Variants in GALNT13 observed in about 807,000 individuals in gnomAD.
GALNT13 encodes the protein polypeptide N-acetylgalactosaminyltransferase 13.
A neutral mutation model predicts 64.2 loss-of-function variants in GALNT13; 28 were observed. That is an observed-to-expected ratio of 0.44 (90% confidence interval 0.32 to 0.60). The LOEUF is 0.60. GALNT13 is among the 20% of genes least tolerant of loss of function. The pLI is 0.05. For synonymous variants in GALNT13, 214 were observed against 224.6 expected, an observed-to-expected ratio of 0.95 and a Z score of 0.42; for missense variants, 577 against 669.8, an observed-to-expected ratio of 0.86 and a Z score of 1.53.
At position 154,355,267 on chromosome 2, in the gene GALNT13, A is replaced by G. The variant is rs532656393; in HGVS notation, c.1157-40724A>G. On this transcript the variant is annotated intron_variant, in intron 9 of 12. Transcript: ENST00000392825. Reference sequence around the variant, plus strand: ...TGCAGTAATTCTGTTGAAGCACTGTAAAAGGTCACATGAGATAACGGAGAC... The same window carrying G: ...TGCAGTAATTCTGTTGAAGCACTGTGAAAGGTCACATGAGATAACGGAGAC... 3.0e-3 allele frequency among the ~76,000 whole-genome samples: 462 copies of G among 152,264 alleles called. 1 individual carries two copies. The highest frequency in any genetic ancestry group is 0.01 in the Middle Eastern group (3 of 294).
the GALNT13 span, among the ~76,000 whole-genome samples, chr2:153,723,716 G>A: frequency 0.014 from 2,099 of 151,608 alleles, 45 homozygotes; most frequent in African/African-American, 0.046. Flanking sequence ...TGCTTCAAAG[G>A]GAATAAAATA....
At chr2:153,936,069 G>A (rs1690891769) in intron 2 of GALNT13, among the ~76,000 whole-genome samples, 1 of 152,140 alleles carries the variant, frequency 6.6e-6, no homozygotes, top group South Asian at 2.1e-4. Flanking sequence ...CATTGTAGAG[G>A]GATTCAGTTA....
the GALNT13 span, among the ~76,000 whole-genome samples, chr2:153,853,630 G>A: frequency 6.6e-6 from 1 of 151,644 alleles, no homozygotes; most frequent in Admixed American, 6.6e-5. Context: ...ATTATGCTGA[G>A]TAAAATAGGT....
At chr2:153,295,690 T>G in the GALNT13 span, among the ~76,000 whole-genome samples, 1 of 152,170 alleles carries the variant, frequency 6.6e-6, no homozygotes, top group South Asian at 2.1e-4. Flanking sequence ...GTGTGATCTA[T>G]GGACCAGTAT....
At chr2:153,839,249 C>CT in the GALNT13 span, among the ~76,000 whole-genome samples, 3 of 151,682 alleles carry the variant, frequency 2.0e-5, no homozygotes, top group Non-Finnish European at 3.0e-5. Flanking sequence ...ATATATTTTA[C>CT]TTTTTTTTCT....
the GALNT13 span, among the ~76,000 whole-genome samples, chr2:153,536,043 G>A: frequency 1.1e-4 from 17 of 152,176 alleles, no homozygotes; most frequent in Non-Finnish European, 1.6e-4. Context: ...TTGCCAGCAA[G>A]TTAGGCCCCT....
chr2:153,114,659 G>A, the GALNT13 span, among the ~76,000 whole-genome samples: 2 of 152,012 alleles, frequency 1.3e-5, no homozygotes, highest in African/African-American at 4.8e-5. Context: ...ACAGGCTAAT[G>A]GGAACCCAAA....
At chr2:154,080,290 T>C (rs1420461546) in intron 3 of GALNT13, among the ~76,000 whole-genome samples, 1 of 151,174 alleles carries the variant, frequency 6.6e-6, no homozygotes, top group African/African-American at 2.4e-5. Context: ...AATAAAGCTA[T>C]GGAAAAAGAA....
At chr2:153,541,117 G>A in the GALNT13 span, among the ~76,000 whole-genome samples, 1 of 152,110 alleles carries the variant, frequency 6.6e-6, no homozygotes, top group Admixed American at 6.6e-5. Flanking sequence ...AGGTGTTGTG[G>A]GAGGGACCCA....
At chr2:154,052,437 C>G (rs1247191378) in intron 3 of GALNT13, among the ~76,000 whole-genome samples, 2 of 152,116 alleles carry the variant, frequency 1.3e-5, no homozygotes, top group Admixed American at 1.3e-4. Context: ...TAAAGTTTTT[C>G]TTATCACCTC....
At chr2:154,318,550 A>G (rs1053202338) in intron 9 of GALNT13, among the ~76,000 whole-genome samples, 1 of 151,724 alleles carries the variant, frequency 6.6e-6, no homozygotes, top group African/African-American at 2.4e-5. Context: ...ACATAGTAAA[A>G]CCCCATCTCT....
the GALNT13 span, among the ~76,000 whole-genome samples, chr2:153,730,810 C>G: frequency 6.6e-5 from 10 of 151,802 alleles, no homozygotes; most frequent in Non-Finnish European, 1.5e-4. Flanking sequence ...CACTAATCAT[C>G]GAAGAAATGT....
At chr2:153,552,248 G>C in the GALNT13 span, among the ~76,000 whole-genome samples, 1 of 152,164 alleles carries the variant, frequency 6.6e-6, no homozygotes, top group East Asian at 1.9e-4. Context: ...TAGTGAATGA[G>C]ACAACTCTTC....
the GALNT13 span, among the ~76,000 whole-genome samples, chr2:153,630,803 A>AT: frequency 5.7e-5 from 1 of 17,534 alleles, no homozygotes; most frequent in African/African-American, 2.2e-4. Flanking sequence ...ATATATATAT[A>AT]TATATTTTTT....
the GALNT13 span, among the ~76,000 whole-genome samples, chr2:153,679,100 G>A: frequency 2.0e-5 from 3 of 151,806 alleles, no homozygotes; most frequent in East Asian, 5.8e-4. Context: ...AGTTTTCAGG[G>A]GTTCTTGTTT....
At chr2:153,803,552 C>A in the GALNT13 span, among the ~76,000 whole-genome samples, 1 of 151,994 alleles carries the variant, frequency 6.6e-6, no homozygotes, top group African/African-American at 2.4e-5. Context: ...GTTAGCCGGG[C>A]GCTGTGGCGG....
intron 3 of GALNT13, among the ~76,000 whole-genome samples, chr2:154,100,211 G>T (rs2105461451): frequency 6.6e-6 from 1 of 152,052 alleles, no homozygotes; most frequent in South Asian, 2.1e-4. Flanking sequence ...GGTTCCATAT[G>T]AATTTTAGGA....
chr2:153,920,002 A>T (rs1409902824), intron 2 of GALNT13, among the ~76,000 whole-genome samples: 4 of 148,138 alleles, frequency 2.7e-5, no homozygotes, highest in African/African-American at 9.8e-5. Flanking sequence ...ATATTATAAT[A>T]TATAACAGTT....
Position 154,326,916 on chromosome 2 carries a change from G to T in GALNT13, c.1156+25327G>T, listed in dbSNP as rs145881735. Among the ~76,000 whole-genome samples, 7 of 152,130 alleles carry T rather than the reference G, an allele frequency of 4.6e-5. No homozygotes were observed. In the South Asian group the frequency reaches 1.5e-3, roughly 32 times the overall value. ...CACATTTTACAACTAAGTCATTTTG[G>T]TTCGTCCATCAGGAGTTCCTATGGA... is the stretch of plus-strand genomic sequence containing the variant. On this transcript the variant is annotated intron_variant, in intron 9 of 12. Transcript: ENST00000392825.
Sources: allele counts gnomAD v4.1 joint callset (sites outside exome capture counted in the v4.1 genomes callset), GRCh38; gene constraint gnomAD v4.1.1; transcripts MANE v1.5; gene names NCBI Gene and HGNC (gene_info 2026-07-23, HGNC 2026-07-21).